Variants in ZNF682 observed in about 807,000 individuals in gnomAD.
The protein encoded by ZNF682 is zinc finger protein 682.
Under a neutral mutation model 36.5 loss-of-function variants are expected in ZNF682, and 29 were observed. The ratio of observed to expected loss-of-function variants is 0.80; its 90% CI spans 0.59 to 1.08. ZNF682 has a LOEUF of 1.08. ZNF682 is among the 50% of genes least tolerant of loss of function. The pLI is 0.00. For synonymous variants in ZNF682, 180 were observed against 197.0 expected, an observed-to-expected ratio of 0.91 and a Z score of 0.72; for missense variants, 561 against 579.7, an observed-to-expected ratio of 0.97 and a Z score of 0.33.
intron 3 of ZNF682, 66 bp downstream of exon 3, chr19:20,022,938 A>G: frequency 7.6e-7 from 1 of 1,321,176 alleles, no homozygotes; most frequent in South Asian, 1.2e-5. Flanking sequence ...TAACTCTTGA[A>G]GTCTGTCTTC....
intron 1 of ZNF682, among the ~76,000 whole-genome samples, chr19:20,028,074 G>T (rs2088447596): frequency 6.6e-6 from 1 of 152,168 alleles, no homozygotes; most frequent in Non-Finnish European, 1.5e-5. Context: ...CACAGGTAAG[G>T]GTATTTCTTC....
intron 3 of ZNF682, chr19:20,008,044 T>G (rs1279488656): frequency 6.6e-6 from 1 of 152,338 alleles, no homozygotes; most frequent in East Asian, 1.9e-4. Flanking sequence ...TCACAGATGG[T>G]GCTTGACCCC....
rs747902538 is a variant in ZNF682, at chr19:20,006,382, AT to A, written c.1119del (p.Lys373AsnfsTer131). 3 of 1,613,042 alleles carry A rather than the reference AT, an allele frequency of 1.9e-6. No individual in the cohort carries two copies. The East Asian group carries it at 6.7e-5, about 36-fold the overall frequency. On this transcript the variant is annotated frameshift_variant, in exon 4 of 4. Coordinates refer to ENST00000397165, the MANE Select transcript of ZNF682 (RefSeq NM_033196.3). LOFTEE classifies it high-confidence loss of function. ...HSGEKPYKCE[K>X]CDKVFKRFSY... The stretch of plus-strand genomic sequence containing the variant: ...GAGAACCTCTTAAAGACTTTGTCAC[AT>A]TTTTCACATTTGTAGGGTTTCTCTC...
intron 1 of ZNF682, among the ~76,000 whole-genome samples, chr19:20,035,626 G>C (rs1010609782): frequency 3.3e-5 from 5 of 152,080 alleles, no homozygotes; most frequent in African/African-American, 1.2e-4. Flanking sequence ...TATTAATTCA[G>C]TTAAAATAAT....
At chr19:20,019,779 C>G (rs747233759) in intron 3 of ZNF682, among the ~76,000 whole-genome samples, 1 of 152,080 alleles carries the variant, frequency 6.6e-6, no homozygotes. Context: ...TAAAATATCA[C>G]TTCACATTTG....
At chr19:20,000,854 G>A (rs2088163565), downstream of ZNF682, among the ~76,000 whole-genome samples, 1 of 152,160 alleles carries the variant, frequency 6.6e-6, no homozygotes, top group African/African-American at 2.4e-5. Context: ...GGAGCTGTTT[G>A]ATGAGTCTAA....
downstream of ZNF682, among the ~76,000 whole-genome samples, chr19:19,999,516 G>T (rs2088150798): frequency 6.6e-6 from 1 of 151,996 alleles, no homozygotes; most frequent in African/African-American, 2.4e-5. Flanking sequence ...AATTATCATT[G>T]CATGTTTCTT....
chr19:20,006,198 T>A lies in ZNF682; in HGVS notation c.1304A>T (p.Asn435Ile). Reference protein sequence around the residue: ...YNCEECGKAFNRCSHLTRHKK... With the variant: ...YNCEECGKAFIRCSHLTRHKK... ...ATGTCTAGTAAGGTGTGAGCACCGA[T>A]TAAAGGCTTTTCCACATTCTTCACA... The change falls in exon 4 of 4, where the codon AAT becomes ATT. Residue 435 changes from asparagine to isoleucine, a missense_variant. Physicochemically the swap from Asn to Ile is moderately radical, Grantham distance 149. Coordinates refer to ENST00000397165, the MANE Select transcript of ZNF682 (RefSeq NM_033196.3). The A allele has an allele frequency of 6.2e-7, 1 of 1,614,006 alleles. No homozygotes were observed. Among genetic ancestry groups the A allele is most frequent in the Non-Finnish European group, 8.5e-7 (1 of 1,179,992 alleles).
chr19:20,012,187 G>A (rs971669014), intron 3 of ZNF682, among the ~76,000 whole-genome samples: 1 of 152,000 alleles, frequency 6.6e-6, no homozygotes, highest in Non-Finnish European at 1.5e-5. Flanking sequence ...TGAGAAAAAC[G>A]AGAACAAAGT....
chr19:19,995,229 A>T (rs2088122926), downstream of ZNF682, among the ~76,000 whole-genome samples: 2 of 152,226 alleles, frequency 1.3e-5, no homozygotes, highest in Admixed American at 1.3e-4. Flanking sequence ...GATTGCAGAC[A>T]TAATAAGCAA....
chr19:20,014,672 C>T, intron 3 of ZNF682, among the ~76,000 whole-genome samples: 1 of 149,574 alleles, frequency 6.7e-6, no homozygotes, highest in African/African-American at 2.5e-5. Context: ...CCCAGCTACT[C>T]AGGAGGCTGA....
chr19:20,003,000 C>G (rs1255207363), downstream of ZNF682, among the ~76,000 whole-genome samples: 1 of 151,588 alleles, frequency 6.6e-6, no homozygotes, highest in African/African-American at 2.4e-5. Context: ...ACCATCCTGG[C>G]TAACACGGTG....
At chr19:20,022,724 T>A (rs1218466844) in intron 3 of ZNF682, among the ~76,000 whole-genome samples, 1 of 152,090 alleles carries the variant, frequency 6.6e-6, no homozygotes, top group East Asian at 1.9e-4. Flanking sequence ...TATATTTCTG[T>A]GTGCCCCAAG....
rs2286923 is a variant in ZNF682, at chr19:20,039,438, A to T, written c.-93T>A. 5.5e-5 allele frequency: 85 copies of T among 1,558,404 alleles called. 1 individual carries two copies. The African/African-American group carries it at 9.2e-4, about 17-fold the overall frequency. ...ACAGAGGCTGCGACAGTCACCGGGA[A>T]CTACTAGAGCAGAGGATACTAAGCA... On this transcript the variant is annotated 5_prime_UTR_variant, in exon 1 of 4. Transcript: ENST00000397165.
Position 20,023,001 on chromosome 19 carries a change from T to A in ZNF682, c.226+3A>T, listed in dbSNP as rs2088399693. 26 of 1,612,540 alleles carry A rather than the reference T, an allele frequency of 1.6e-5. No homozygotes were observed. Among genetic ancestry groups the A allele is most frequent in the Non-Finnish European group, 2.2e-5 (26 of 1,179,020 alleles). On this transcript the variant is annotated splice_donor_region_variant and intron_variant, in intron 3 of 3. Coordinates refer to ENST00000397165, the MANE Select transcript of ZNF682 (RefSeq NM_033196.3). ...TGGCATGTGTTTCATTCATCCAACCTACCTGGGGGTTTGGCTATGGTCTCA... is the reference window on the plus strand; with the variant it reads ...TGGCATGTGTTTCATTCATCCAACCAACCTGGGGGTTTGGCTATGGTCTCA...
chr19:20,023,141 C>A, intron 2 of ZNF682, 42 bp from the exon 3 acceptor site: 1 of 1,543,144 alleles, frequency 6.5e-7, no homozygotes, highest in Non-Finnish European at 9.0e-7. Context: ...TGCTGGGATT[C>A]TCCAATTACC....
chr19:20,038,348 C>A (rs1599621574), intron 1 of ZNF682, among the ~76,000 whole-genome samples: 4 of 152,060 alleles, frequency 2.6e-5, no homozygotes, highest in South Asian at 4.1e-4. Context: ...AATCAAAATA[C>A]TGTGTCTGAA....
chr19:20,038,130 C>A (rs940651495), intron 1 of ZNF682, among the ~76,000 whole-genome samples: 1 of 152,056 alleles, frequency 6.6e-6, no homozygotes, highest in Non-Finnish European at 1.5e-5. Context: ...CAAAGTGGAA[C>A]CTCAACCCAA....
exon 4 of ZNF682, chr19:19,997,135 G>A (rs1295428066): frequency 2.8e-5 from 11 of 397,084 alleles, no homozygotes; most frequent in East Asian, 2.5e-4. Flanking sequence ...CTCTAGCTAC[G>A]TGTCCAGGGG....
Sources: gnomAD v4.1 joint callset for allele counts (sites outside exome capture counted in the v4.1 genomes callset) on GRCh38, gnomAD v4.1.1 for gene constraint, MANE v1.5 for transcripts, NCBI Gene and HGNC (gene_info 2026-07-23, HGNC 2026-07-21) for gene names.